Variants in SPECC1L observed in about 807,000 individuals in gnomAD.
The protein encoded by SPECC1L is cytospin-A.
SPECC1L carries 40 observed loss-of-function variants against 116.8 expected under a neutral mutation model. That is an observed-to-expected ratio of 0.34 (90% CI 0.27 to 0.45). The LOEUF (loss-of-function observed/expected upper bound fraction) is 0.45, where lower values mean the gene tolerates loss of function less well. Among genes scored for constraint, SPECC1L ranks in the 20% least tolerant of loss-of-function variants. SPECC1L has a pLI of 1.00. For synonymous variants in SPECC1L, 504 were observed against 500.6 expected, an observed-to-expected ratio of 1.01 and a Z score of -0.09; for missense variants, 1,110 against 1,373.6, an observed-to-expected ratio of 0.81 and a Z score of 3.03.
At chr22:24,393,396 T>C (rs1601337965) in intron 14 of SPECC1L, among the ~76,000 whole-genome samples, 1 of 152,040 alleles carries the variant, frequency 6.6e-6, no homozygotes, top group Admixed American at 6.6e-5. Flanking sequence ...CAGGTGTGTT[T>C]GCAGCTGCAG....
rs560958713 is a variant in SPECC1L at position 24,312,463 on chromosome 22, A to T, written c.154-850A>T. Among the ~76,000 whole-genome samples the T allele has an allele frequency of 1.1e-4, 16 of 152,354 alleles. No individual in the cohort carries two copies. In the South Asian group the frequency reaches 3.3e-3, roughly 32 times the overall value. ...GAGAGGGCATGGTTCCAGATAGAAG[A>T]TAGTGTAAATCAGTTGGCTAACTCA... is the stretch of plus-strand genomic sequence containing the variant. On this transcript the variant is annotated intron_variant, in intron 3 of 16. Transcript: ENST00000314328.
chr22:24,413,431 CA>C (rs1310072535), intron 16 of SPECC1L, among the ~76,000 whole-genome samples: 1 of 152,324 alleles, frequency 6.6e-6, no homozygotes, highest in East Asian at 1.9e-4. Flanking sequence ...GCGGAGAGCC[CA>C]CAGGCCAGTC....
chr22:24,369,836 C>T (rs951051181), intron 14 of SPECC1L, among the ~76,000 whole-genome samples: 2 of 152,088 alleles, frequency 1.3e-5, no homozygotes, highest in African/African-American at 2.4e-5. Context: ...TTTTAAGTTA[C>T]GTTAAATATA....
intron 3 of SPECC1L, among the ~76,000 whole-genome samples, chr22:24,303,602 G>T (rs2049426783): frequency 6.6e-6 from 1 of 152,186 alleles, no homozygotes; most frequent in African/African-American, 2.4e-5. Context: ...CATTAGATGT[G>T]CACTGCTGCC....
intron 14 of SPECC1L, among the ~76,000 whole-genome samples, chr22:24,386,791 G>C (rs780400283): frequency 7.9e-5 from 12 of 152,046 alleles, no homozygotes; most frequent in Non-Finnish European, 1.6e-4. Context: ...ATTGTTAGTA[G>C]AGACTGGGTT....
chr22:24,285,653 G>GTTTTGT (rs910887523), intron 2 of SPECC1L, among the ~76,000 whole-genome samples: 5 of 150,290 alleles, frequency 3.3e-5, no homozygotes, highest in South Asian at 2.1e-4. Flanking sequence ...GTTTTGTTTT[G>GTTTTGT]TTTTTTTTGA....
chr22:24,376,893 A>G (rs1480465985), intron 14 of SPECC1L, among the ~76,000 whole-genome samples: 1 of 151,662 alleles, frequency 6.6e-6, no homozygotes, highest in Non-Finnish European at 1.5e-5. Flanking sequence ...CTTAAAATGT[A>G]CATTTCAGTG....
At chr22:24,357,675 G>A (rs142117191) in intron 11 of SPECC1L, among the ~76,000 whole-genome samples, 25 of 152,308 alleles carry the variant, frequency 1.6e-4, no homozygotes, top group African/African-American at 5.8e-4. Flanking sequence ...CAGGAGCTGG[G>A]CTGGGTTTGA....
chr22:24,414,740 A>G lies in SPECC1L; in HGVS notation c.*117A>G. The G allele has an allele frequency of 2.3e-6, 2 of 854,782 alleles. No homozygotes were observed. Among genetic ancestry groups the G allele is most frequent in the Non-Finnish European group, 3.8e-6 (2 of 523,520 alleles). 52.9% of individuals were successfully genotyped at this position (854,782 alleles called of 1,614,324 possible). On this transcript the variant is annotated 3_prime_UTR_variant, in exon 17 of 17. Coordinates refer to ENST00000314328, the MANE Select transcript of SPECC1L (RefSeq NM_015330.6). Reference sequence around the variant, plus strand: ...TTCCAGCAACTCTGGGCTGCCCCACAGCGTGTGAGCCTCCAGCTCGGGGCT... The same window carrying G: ...TTCCAGCAACTCTGGGCTGCCCCACGGCGTGTGAGCCTCCAGCTCGGGGCT...
At chr22:24,301,170 G>A (rs2049370106) in intron 2 of SPECC1L, among the ~76,000 whole-genome samples, 1 of 152,138 alleles carries the variant, frequency 6.6e-6, no homozygotes, top group South Asian at 2.1e-4. Context: ...TATCATCAGA[G>A]CAAAGAGGCA....
chr22:24,376,462 A>G (rs899781128), intron 14 of SPECC1L, among the ~76,000 whole-genome samples: 3 of 152,274 alleles, frequency 2.0e-5, no homozygotes, highest in African/African-American at 7.2e-5. Flanking sequence ...CATTCCATTT[A>G]TAGCAGCATC....
At chr22:24,323,342 T>C (rs1398518771) in intron 5 of SPECC1L, among the ~76,000 whole-genome samples, 1 of 152,178 alleles carries the variant, frequency 6.6e-6, no homozygotes, top group South Asian at 2.1e-4. Context: ...ATAGTAATAG[T>C]TTTTCAAATA....
At chr22:24,293,289 C>T (rs1372176018) in intron 2 of SPECC1L, among the ~76,000 whole-genome samples, 1 of 152,124 alleles carries the variant, frequency 6.6e-6, no homozygotes, top group Non-Finnish European at 1.5e-5. Context: ...CCCGTCTCTA[C>T]TACAAGTACA....
At chr22:24,376,064 G>A (rs559028901) in intron 14 of SPECC1L, among the ~76,000 whole-genome samples, 6 of 152,198 alleles carry the variant, frequency 3.9e-5, no homozygotes, top group African/African-American at 1.2e-4. Context: ...AAAGAATGTC[G>A]TTTATCACCA....
At chr22:24,287,428 G>A (rs1165595704) in intron 2 of SPECC1L, among the ~76,000 whole-genome samples, 1 of 152,156 alleles carries the variant, frequency 6.6e-6, no homozygotes, top group Non-Finnish European at 1.5e-5. Context: ...TGCCAGAGTT[G>A]TCCAGCTGGA....
At chr22:24,340,911 A>G (rs1227582826) in intron 10 of SPECC1L, among the ~76,000 whole-genome samples, 1 of 152,196 alleles carries the variant, frequency 6.6e-6, no homozygotes, top group African/African-American at 2.4e-5. Flanking sequence ...TTATTCTGCC[A>G]TCACAAACAA....
At chr22:24,296,729 C>G (rs1415457521) in intron 2 of SPECC1L, among the ~76,000 whole-genome samples, 4 of 152,234 alleles carry the variant, frequency 2.6e-5, no homozygotes, top group African/African-American at 9.6e-5. Flanking sequence ...CCATCTCGAC[C>G]AGGTAGGGAC....
At chr22:24,281,990 C>T (rs1368206411) in intron 2 of SPECC1L, among the ~76,000 whole-genome samples, 1 of 152,148 alleles carries the variant, frequency 6.6e-6, no homozygotes, top group Non-Finnish European at 1.5e-5. Flanking sequence ...ATTTGAGGAG[C>T]AGAGTTTTTA....
chr22:24,322,319 G>A lies in SPECC1L; in HGVS notation c.1339G>A (p.Glu447Lys), dbSNP rs1201645589. The A allele has an allele frequency of 1.9e-6, 3 of 1,614,102 alleles. No homozygotes were observed. The African/African-American group carries it at 4.0e-5, about 22-fold the overall frequency. The change falls in exon 5 of 17, where the codon GAG (glutamate) becomes AAG (lysine). Residue 447 changes from glutamate (E) to lysine (K), a missense_variant. Around this residue, in one of 4 missense-constraint regions of SPECC1L, gnomAD observed 575 missense variants for 682.4 expected, o/e 0.84. Coordinates refer to ENST00000314328, the MANE Select transcript of SPECC1L (RefSeq NM_015330.6). ...TGGAGAAGAGAAGGTTATTCTGATGGAGTCTTTATGTCAGCAGAGCGATAA... is the reference window on the plus strand; with the variant it reads ...TGGAGAAGAGAAGGTTATTCTGATGAAGTCTTTATGTCAGCAGAGCGATAA... ...RLGEEKVILM[E>K]SLCQQSDKLE...
Sources: gnomAD v4.1 joint callset for allele counts (sites outside exome capture counted in the v4.1 genomes callset) on GRCh38, gnomAD v4.1.1 for gene constraint, gnomAD v4.1.1 regional missense constraint, MANE v1.5 for transcripts, NCBI Gene and HGNC (gene_info 2026-07-23, HGNC 2026-07-21) for gene names.